The following CNIH3 variants were observed in gnomAD, a reference collection of about 807,000 sequenced individuals.
CNIH3 encodes the protein cornichon family AMPA receptor auxiliary protein 3, also known as protein cornichon homolog 3.
CNIH3 carries 14 observed loss-of-function variants against 24.1 expected under a neutral mutation model. The ratio of observed to expected loss-of-function variants is 0.58; its 90% CI spans 0.38 to 0.91. CNIH3 has a LOEUF of 0.91. Among genes scored for constraint, CNIH3 ranks in the 40% least tolerant of loss-of-function variants. The probability of loss-of-function intolerance (pLI) is 0.00; values close to 1 mark genes in which losing one functional copy is unlikely to be tolerated. For synonymous variants in CNIH3, 68 were observed against 73.8 expected, an observed-to-expected ratio of 0.92 and a Z score of 0.40; for missense variants, 178 against 196.8, an observed-to-expected ratio of 0.90 and a Z score of 0.57.
chr1:224,438,073 C>T (rs900685808), intron 1 of CNIH3, among the ~76,000 whole-genome samples: 5 of 151,974 alleles, frequency 3.3e-5, no homozygotes, highest in Non-Finnish European at 5.9e-5. Context: ...CCACCACACC[C>T]GGCTAATTTT....
At chr1:224,584,532 C>A (rs1681415402) in intron 5 of CNIH3, among the ~76,000 whole-genome samples, 1 of 152,202 alleles carries the variant, frequency 6.6e-6, no homozygotes, top group Non-Finnish European at 1.5e-5. Context: ...GTAAATCCTT[C>A]CTTTTTGGGA....
At chr1:224,587,076 G>A (rs1007728357) in intron 5 of CNIH3, 1 of 152,248 alleles carries the variant, frequency 6.6e-6, no homozygotes, top group Non-Finnish European at 1.5e-5. Context: ...AAAATTGTGT[G>A]GAAGCAGCAG....
At chr1:224,692,921 GGCCTCAGGGA>G (rs1405904896) in intron 3 of CNIH3, among the ~76,000 whole-genome samples, 1 of 152,166 alleles carries the variant, frequency 6.6e-6, no homozygotes, top group African/African-American at 2.4e-5. Context: ...AACCACATAG[GGCCTCAGGGA>G]GCCTGTAAGA....
intron 1 of CNIH3, among the ~76,000 whole-genome samples, chr1:224,642,079 A>C (rs1684388095): frequency 6.6e-6 from 1 of 152,246 alleles, no homozygotes; most frequent in African/African-American, 2.4e-5. Flanking sequence ...AAGATTTGTT[A>C]CATGGTATTT....
At chr1:224,437,605 T>C (rs1256956061) in intron 1 of CNIH3, among the ~76,000 whole-genome samples, 1 of 152,212 alleles carries the variant, frequency 6.6e-6, no homozygotes, top group Non-Finnish European at 1.5e-5. Context: ...GTGACCCATT[T>C]GTAAGTCATG....
chr1:224,482,646 C>T (rs540908692), intron 1 of CNIH3, among the ~76,000 whole-genome samples: 37 of 151,894 alleles, frequency 2.4e-4, no homozygotes, highest in African/African-American at 8.9e-4. Context: ...TCTTTCCTCT[C>T]CTCTCCTCAA....
intron 1 of CNIH3, among the ~76,000 whole-genome samples, chr1:224,623,667 C>T (rs1240469517): frequency 2.0e-5 from 3 of 152,132 alleles, no homozygotes; most frequent in African/African-American, 7.2e-5. Flanking sequence ...GCCTCAGGAT[C>T]CTGCCCCTCC....
chr1:224,681,006 C>G lies in CNIH3; in HGVS notation c.130C>G (p.Gln44Glu), dbSNP rs752223862. Residue 44 changes from glutamine (Q) to glutamate (E), a missense_variant, in exon 2 of 6, where the codon CAG becomes GAG. Coordinates refer to ENST00000272133, the MANE Select transcript of CNIH3 (RefSeq NM_152495.2). ...GACAGATTTTAAGAGCCCCATAGAC[C>G]AGTGCAATCCTGTTCATGCGGTAAG... ...LRTDFKSPIDQCNPVHARERL... is the reference protein window; with the variant it reads ...LRTDFKSPIDECNPVHARERL... 2.5e-6 allele frequency: 4 copies of G among 1,614,038 alleles called. No homozygotes were observed. The highest frequency in any genetic ancestry group is 3.3e-5 in the Admixed American group (2 of 60,032).
At chr1:224,595,228 TAG>T (rs1193526119) in intron 3 of CNIH3, among the ~76,000 whole-genome samples, 1 of 152,178 alleles carries the variant, frequency 6.6e-6, no homozygotes. Flanking sequence ...AAAATTTTTG[TAG>T]AGTCAGAGTC....
chr1:224,602,810 C>T (rs918084933), intron 3 of CNIH3, among the ~76,000 whole-genome samples: 4 of 152,248 alleles, frequency 2.6e-5, no homozygotes, highest in African/African-American at 9.6e-5. Flanking sequence ...GTGGCAACTT[C>T]GGGAAAGGCA....
At position 224,739,541 on chromosome 1, in the gene CNIH3, C is replaced by A; in HGVS notation, c.*185C>A. 9.6e-7 allele frequency: 1 copy of A among 1,044,956 alleles called. No homozygotes were observed. The highest frequency in any genetic ancestry group is 1.4e-6 in the Non-Finnish European group (1 of 728,204). 64.7% of individuals were successfully genotyped at this position (1,044,956 alleles called of 1,614,324 possible). A position where few individuals can be genotyped will look rare whatever the true frequency, so the allele number is the denominator to read the frequency against. ...TGGGAGCCGAGTTAACCCTGCGTGT[C>A]TGTGTCACCCTGTTTGTCAATCTTT... is the stretch of plus-strand genomic sequence containing the variant. On this transcript the variant is annotated 3_prime_UTR_variant, in exon 6 of 6. Coordinates refer to ENST00000272133, the MANE Select transcript of CNIH3 (RefSeq NM_152495.2).
At chr1:224,725,590 C>G (rs1688980767) in intron 3 of CNIH3, among the ~76,000 whole-genome samples, 1 of 152,170 alleles carries the variant, frequency 6.6e-6, no homozygotes, top group African/African-American at 2.4e-5. Flanking sequence ...AGGAGCTTCC[C>G]TGTGGCTTCC....
chr1:224,559,852 C>T (rs1680290931), intron 3 of CNIH3, among the ~76,000 whole-genome samples: 1 of 152,118 alleles, frequency 6.6e-6, no homozygotes, highest in Non-Finnish European at 1.5e-5. Context: ...TATACTCTTT[C>T]CCTCTCCCTA....
At chr1:224,540,967 T>C (rs1364895491), downstream of CNIH3, among the ~76,000 whole-genome samples, 1 of 152,198 alleles carries the variant, frequency 6.6e-6, no homozygotes, top group African/African-American at 2.4e-5. Context: ...CATTTTCTTA[T>C]AAAAATGGTA....
intron 1 of CNIH3, among the ~76,000 whole-genome samples, chr1:224,466,089 G>T (rs1245536033): frequency 6.6e-6 from 1 of 152,066 alleles, no homozygotes; most frequent in East Asian, 1.9e-4. Context: ...AATCCACAGG[G>T]TTTAGTCAGA....
intron 1 of CNIH3, among the ~76,000 whole-genome samples, chr1:224,494,465 G>C (rs988530169): frequency 1.3e-5 from 2 of 152,166 alleles, no homozygotes; most frequent in African/African-American, 4.8e-5. Flanking sequence ...GAAGCAGGGA[G>C]GGGAGGATGA....
chr1:224,506,833 TGAG>T (rs1260725557), intron 1 of CNIH3, among the ~76,000 whole-genome samples: 1 of 152,096 alleles, frequency 6.6e-6, no homozygotes, highest in African/African-American at 2.4e-5. Flanking sequence ...TACACGTTGA[TGAG>T]AAGTATTCAT....
chr1:224,620,248 T>C lies in CNIH3; in HGVS notation c.81+2993T>C, dbSNP rs571119529. 3.0e-3 allele frequency among the ~76,000 whole-genome samples: 453 copies of C among 152,372 alleles called. 2 individuals carry two copies. The highest frequency in any genetic ancestry group is 0.01 in the African/African-American group (430 of 41,592). Reference sequence around the variant, plus strand: ...TGGCCTCTTACTGCCCAGGCAGCCCTTTAGTCCTCATAACGGACATTTCGC... The same window carrying C: ...TGGCCTCTTACTGCCCAGGCAGCCCCTTAGTCCTCATAACGGACATTTCGC... On this transcript the variant is annotated intron_variant, in intron 1 of 5. Coordinates refer to ENST00000272133, the MANE Select transcript of CNIH3 (RefSeq NM_152495.2).
chr1:224,644,688 A>G (rs1354712205), intron 1 of CNIH3, among the ~76,000 whole-genome samples: 6 of 152,328 alleles, frequency 3.9e-5, no homozygotes, highest in South Asian at 4.1e-4. Context: ...TGACTGCTGT[A>G]TGCCAAACAA....
Sources: gnomAD v4.1 joint callset for allele counts (sites outside exome capture counted in the v4.1 genomes callset) on GRCh38, gnomAD v4.1.1 for gene constraint, MANE v1.5 for transcripts, NCBI Gene and HGNC (gene_info 2026-07-23, HGNC 2026-07-21) for gene names.